The following ULK4 variants were observed in gnomAD, a reference collection of about 807,000 sequenced individuals.
ULK4 encodes inactive serine/threonine-protein kinase ULK4.
In ULK4, 133 loss-of-function variants were observed where a neutral mutation model predicts 160.6. That is an observed-to-expected ratio of 0.83 (90% CI 0.72 to 0.96). The LOEUF (loss-of-function observed/expected upper bound fraction) is 0.96, where lower values mean the gene tolerates loss of function less well. ULK4 is among the 40% of genes least tolerant of loss of function. The probability of loss-of-function intolerance (pLI) is 0.00; values close to 1 mark genes in which losing one functional copy is unlikely to be tolerated. For missense variants in ULK4, 1,580 were observed against 1,499.5 expected, an observed-to-expected ratio of 1.05 and a Z score of -0.89; for synonymous variants, 534 against 539.8, an observed-to-expected ratio of 0.99 and a Z score of 0.15.
At chr3:41,666,654 A>G (rs888796162) in intron 29 of ULK4, among the ~76,000 whole-genome samples, 1 of 152,190 alleles carries the variant, frequency 6.6e-6, no homozygotes, top group African/African-American at 2.4e-5. Context: ...TACTTGAATT[A>G]CAGAAGGACG....
chr3:41,824,146 G>A (rs1406472695), intron 18 of ULK4, among the ~76,000 whole-genome samples: 3 of 132,566 alleles, frequency 2.3e-5, no homozygotes, highest in South Asian at 2.5e-4. Flanking sequence ...CTGGGTGAGA[G>A]AATGAGACTC....
At chr3:41,859,862 G>GT (rs2042458274) in intron 17 of ULK4, among the ~76,000 whole-genome samples, 1 of 139,244 alleles carries the variant, frequency 7.2e-6, no homozygotes, top group South Asian at 2.3e-4. Flanking sequence ...TAGAAACAGG[G>GT]TTTCACCATG....
intron 35 of ULK4, among the ~76,000 whole-genome samples, chr3:41,386,989 G>C (rs1359734178): frequency 1.3e-5 from 2 of 152,094 alleles, no homozygotes; most frequent in East Asian, 3.9e-4. Flanking sequence ...AAATGACTCT[G>C]TTCCACTAGC....
rs143298915 is a variant in ULK4 at position 41,824,329 on chromosome 3, G to T, written c.1765-4823C>A. ...GTCGGACAGTGGGTGCAGGACAGTG[G>T]GTGCAGCACACCGAGCATAAGACAA... On this transcript the variant is annotated intron_variant, in intron 18 of 36. Transcript: ENST00000301831. Among the ~76,000 whole-genome samples, 994 of 152,074 alleles carry T rather than the reference G, an allele frequency of 6.5e-3. 10 individuals are homozygous for T. Among genetic ancestry groups the T allele is most frequent in the African/African-American group, 0.023 (960 of 41,476 alleles).
chr3:41,437,211 C>T (rs561062419), intron 34 of ULK4, among the ~76,000 whole-genome samples: 2 of 152,246 alleles, frequency 1.3e-5, no homozygotes, highest in Admixed American at 1.3e-4. Context: ...AGTTGCAGAG[C>T]TGGTGAATAT....
chr3:41,840,200 G>A (rs1247316462), intron 17 of ULK4, among the ~76,000 whole-genome samples: 9 of 152,282 alleles, frequency 5.9e-5, no homozygotes, highest in East Asian at 3.9e-4. Flanking sequence ...AGGCCAATAC[G>A]GGAGGATGGC....
At chr3:41,291,290 T>C (rs1042783145) in intron 35 of ULK4, among the ~76,000 whole-genome samples, 3 of 141,980 alleles carry the variant, frequency 2.1e-5, no homozygotes, top group African/African-American at 5.3e-5. Flanking sequence ...AAGAGAGAGA[T>C]AAGTATAAGA....
At chr3:41,728,130 G>A (rs1389074693) in intron 22 of ULK4, among the ~76,000 whole-genome samples, 1 of 152,208 alleles carries the variant, frequency 6.6e-6, no homozygotes, top group African/African-American at 2.4e-5. Context: ...CAGAGAAAAG[G>A]TTTAGGCTGA....
At chr3:41,389,666 G>A (rs1559563273) in intron 35 of ULK4, among the ~76,000 whole-genome samples, 1 of 152,118 alleles carries the variant, frequency 6.6e-6, no homozygotes, top group Admixed American at 6.6e-5. Context: ...TTATATGCTG[G>A]ATTATGTTTA....
At chr3:41,410,372 C>T (rs2082386817) in intron 34 of ULK4, among the ~76,000 whole-genome samples, 1 of 152,108 alleles carries the variant, frequency 6.6e-6, no homozygotes, top group Non-Finnish European at 1.5e-5. Context: ...CTGATCCGTG[C>T]TATAAACATG....
At chr3:41,637,459 T>G (rs1335300315) in intron 30 of ULK4, among the ~76,000 whole-genome samples, 2 of 152,214 alleles carry the variant, frequency 1.3e-5, no homozygotes, top group Non-Finnish European at 2.9e-5. Flanking sequence ...GGACATAGGT[T>G]GATTCCATAT....
chr3:41,513,966 A>C (rs2085668757), intron 32 of ULK4, among the ~76,000 whole-genome samples: 1 of 152,230 alleles, frequency 6.6e-6, no homozygotes, highest in Non-Finnish European at 1.5e-5. Context: ...TATTGAAATA[A>C]AATTTAAAAA....
intron 30 of ULK4, among the ~76,000 whole-genome samples, chr3:41,643,704 A>G (rs996806266): frequency 6.6e-6 from 1 of 152,178 alleles, no homozygotes; most frequent in Non-Finnish European, 1.5e-5. Flanking sequence ...TGAACTTGAA[A>G]GCAGTTTTTT....
At chr3:41,306,956 G>A (rs1314971357) in intron 35 of ULK4, among the ~76,000 whole-genome samples, 3 of 148,268 alleles carry the variant, frequency 2.0e-5, no homozygotes, top group South Asian at 2.2e-4. Flanking sequence ...CAGCATGCTC[G>A]TTAAGAGTCA....
At chr3:41,905,801 G>A (rs1374058519) in intron 12 of ULK4, among the ~76,000 whole-genome samples, 3 of 152,012 alleles carry the variant, frequency 2.0e-5, no homozygotes, top group Non-Finnish European at 2.9e-5. Flanking sequence ...CTAGCTGGGC[G>A]CGGTGGCTCA....
intron 31 of ULK4, among the ~76,000 whole-genome samples, chr3:41,568,796 A>G (rs145708768): frequency 2.0e-5 from 3 of 152,218 alleles, no homozygotes; most frequent in Non-Finnish European, 4.4e-5. Flanking sequence ...CAACTCCACA[A>G]AATCTACCGG....
chr3:41,391,184 G>T (rs1303925378), intron 35 of ULK4, among the ~76,000 whole-genome samples: 3 of 152,038 alleles, frequency 2.0e-5, no homozygotes, highest in Non-Finnish European at 2.9e-5. Context: ...AAACCCTATG[G>T]CAATCAGTGG....
At position 41,339,270 on chromosome 3, in the gene ULK4, G is replaced by A. The variant is rs1430333562; in HGVS notation, c.3678+58809C>T. ...CACCAGCAGCTCGCAGCAGGACTGC[G>A]CTCAGCCTACCAGTTGCTCTGTCTG... is the stretch of plus-strand genomic sequence containing the variant. On this transcript the variant is annotated intron_variant, in intron 35 of 36. Transcript: ENST00000301831. 3.9e-5 allele frequency among the ~76,000 whole-genome samples: 6 copies of A among 152,074 alleles called. 1 individual carries two copies. The highest frequency in any genetic ancestry group is 2.0e-4 in the Admixed American group (3 of 15,274).
intron 21 of ULK4, among the ~76,000 whole-genome samples, chr3:41,781,254 A>G (rs1484330815): frequency 6.6e-6 from 1 of 152,018 alleles, no homozygotes; most frequent in Non-Finnish European, 1.5e-5. Context: ...TGTCTCTACT[A>G]AAAATACAAA....
Sources: allele counts gnomAD v4.1 joint callset (sites outside exome capture counted in the v4.1 genomes callset), GRCh38; gene constraint gnomAD v4.1.1; transcripts MANE v1.5; gene names NCBI Gene and HGNC (gene_info 2026-07-23, HGNC 2026-07-21).